The following SEPTIN9 variants were observed in gnomAD, a reference collection of about 807,000 sequenced individuals.
SEPTIN9 encodes septin-9.
SEPTIN9 carries 13 observed loss-of-function variants against 56.6 expected under a neutral mutation model. The ratio of observed to expected loss-of-function variants is 0.23; its 90% CI spans 0.15 to 0.37. The LOEUF (loss-of-function observed/expected upper bound fraction) is 0.37, where lower values mean the gene tolerates loss of function less well. Ranked by LOEUF, SEPTIN9 falls within the 10% of genes least tolerant of loss-of-function variation. The pLI is 1.00. For missense variants in SEPTIN9, 650 were observed against 823.1 expected (o/e 0.79, Z 2.57); for synonymous variants, 332 against 334.1 (o/e 0.99, Z 0.07).
At chr17:77,431,830 CAA>C (rs61461406) in intron 3 of SEPTIN9, among the ~76,000 whole-genome samples, 16 of 55,250 alleles carry the variant, frequency 2.9e-4, no homozygotes, top group African/African-American at 3.5e-4. Context: ...AATGCTGTCT[CAA>C]AAAAAAAAAA....
At chr17:77,486,521 TGCGCGCAC>T (rs139526675) in intron 4 of SEPTIN9, among the ~76,000 whole-genome samples, 3,141 of 119,816 alleles carry the variant, frequency 0.026, 91 homozygotes, top group African/African-American at 0.094. Flanking sequence ...TGTGTGTGTG[TGCGCGCAC>T]GCGCGCGCGT....
chr17:77,464,601 A>AT (rs1022730489), intron 3 of SEPTIN9, among the ~76,000 whole-genome samples: 2,363 of 139,896 alleles, frequency 0.017, 22 homozygotes, highest in Middle Eastern at 0.031. Flanking sequence ...TGACACAGAA[A>AT]TTTTTTTTTT....
At chr17:77,383,999 A>G (rs567741930) in intron 2 of SEPTIN9, among the ~76,000 whole-genome samples, 1 of 152,234 alleles carries the variant, frequency 6.6e-6, no homozygotes, top group Non-Finnish European at 1.5e-5. Flanking sequence ...CTTCTACTAC[A>G]TGCCAGGCAG....
chr17:77,284,146 A>ATCCT (rs1449583384), intron 1 of SEPTIN9, among the ~76,000 whole-genome samples: 1 of 152,204 alleles, frequency 6.6e-6, no homozygotes, highest in Non-Finnish European at 1.5e-5. Context: ...GCTACTCAGG[A>ATCCT]GGCTGAGACA....
rs1240662391 is a variant in SEPTIN9, at chr17:77,434,587, T to G, written c.721+31884T>G. Among the ~76,000 whole-genome samples the G allele has an allele frequency of 6.6e-6, 1 of 152,132 alleles. No individual in the cohort carries two copies. Among genetic ancestry groups the G allele is most frequent in the Non-Finnish European group, 1.5e-5 (1 of 68,000 alleles). On this transcript the variant is annotated intron_variant, in intron 3 of 11. Transcript: ENST00000427177. This position sits in a 1 kb window ranked among gnomAD's most constrained non-coding sequence, Gnocchi z 5.0. ...CCTCTGTGGGCTGCAGGTAGTCCCC[T>G]GTGGTTGAAGGTGCCCTGGCAGGAC...
intron 2 of SEPTIN9, among the ~76,000 whole-genome samples, chr17:77,401,809 G>A (rs577277479): frequency 1.7e-4 from 26 of 152,160 alleles, no homozygotes; most frequent in African/African-American, 5.1e-4. Context: ...TGTGGTTTGC[G>A]CCGTGGCCAT....
chr17:77,370,736 C>T (rs1598265956), intron 2 of SEPTIN9, among the ~76,000 whole-genome samples: 1 of 152,298 alleles, frequency 6.6e-6, no homozygotes, highest in East Asian at 1.9e-4. Flanking sequence ...GCCCAGTGCC[C>T]CTTCTGGGAC....
intron 3 of SEPTIN9, among the ~76,000 whole-genome samples, chr17:77,465,518 G>A (rs969465873): frequency 4.6e-5 from 7 of 151,908 alleles, no homozygotes; most frequent in African/African-American, 1.7e-4. Flanking sequence ...CCGGCACCGG[G>A]CACTGTGAGC....
At chr17:77,406,199 G>A (rs1045177718) in intron 3 of SEPTIN9, among the ~76,000 whole-genome samples, 2 of 152,272 alleles carry the variant, frequency 1.3e-5, no homozygotes, top group Non-Finnish European at 2.9e-5. Flanking sequence ...GCCCCTCCAC[G>A]GTTGATTCAC....
chr17:77,287,787 A>T, intron 1 of SEPTIN9: 1 of 741,794 alleles, frequency 1.3e-6, no homozygotes. Flanking sequence ...TTCCCAGCCT[A>T]ATCTGACCTG....
intron 3 of SEPTIN9, among the ~76,000 whole-genome samples, chr17:77,444,203 C>T (rs189887435): frequency 7.0e-4 from 106 of 152,160 alleles, no homozygotes; most frequent in Admixed American, 2.0e-3. Flanking sequence ...CAGGGGTCCT[C>T]GAATGCAAGG....
Position 77,342,337 on chromosome 17 carries a change from C to T in SEPTIN9, c.76+35140C>T, listed in dbSNP as rs114896109. On this transcript the variant is annotated intron_variant, in intron 2 of 11. Coordinates refer to ENST00000427177, the MANE Select transcript of SEPTIN9 (RefSeq NM_001113491.2). ...CCTGTGTTCCTTGTCACTGTAATGT[C>T]GGTAGGATCCGTAAGGAAAACACTT... Among the ~76,000 whole-genome samples the T allele has an allele frequency of 4.5e-3, 682 of 152,244 alleles. 7 individuals are homozygous for T. Among genetic ancestry groups the T allele is most frequent in the African/African-American group, 0.015 (640 of 41,544 alleles).
intron 3 of SEPTIN9, among the ~76,000 whole-genome samples, chr17:77,422,130 T>C (rs1178499296): frequency 6.6e-6 from 1 of 152,224 alleles, no homozygotes; most frequent in Non-Finnish European, 1.5e-5. Flanking sequence ...AGTGCTGGGA[T>C]TCCAGGCATG....
Position 77,436,098 on chromosome 17 carries a change from C to G in SEPTIN9, c.721+33395C>G, listed in dbSNP as rs527944391. ...ACGGCTGGGTGGGAGTTGAGTTGAG[C>G]TCGGCGGCTGCCTTTCCACCCTGCG... On this transcript the variant is annotated intron_variant, in intron 3 of 11. Transcript: ENST00000427177. The surrounding 1 kb of genome is among the most constrained non-coding windows in gnomAD (Gnocchi z 4.4). 6.6e-6 allele frequency among the ~76,000 whole-genome samples: 1 copy of G among 152,312 alleles called. No homozygotes were observed. Among genetic ancestry groups the G allele is most frequent in the South Asian group, 2.1e-4 (1 of 4,830 alleles).
chr17:77,373,416 C>T, intron 2 of SEPTIN9: 15 of 1,296,862 alleles, frequency 1.2e-5, no homozygotes, highest in Non-Finnish European at 1.5e-5. Flanking sequence ...CGCGGCGCCC[C>T]AGCCAGCGCG....
chr17:77,480,239 G>T (rs988309082), intron 3 of SEPTIN9, among the ~76,000 whole-genome samples: 1 of 152,222 alleles, frequency 6.6e-6, no homozygotes, highest in African/African-American at 2.4e-5. Flanking sequence ...CCTGTGCCCT[G>T]TGGAGGCTGA....
Position 77,317,508 on chromosome 17 carries a change from T to G in SEPTIN9, c.76+10311T>G, listed in dbSNP as rs965467270. 6.6e-6 allele frequency among the ~76,000 whole-genome samples: 1 copy of G among 152,204 alleles called. No individual in the cohort carries two copies. The highest frequency in any genetic ancestry group is 2.1e-4 in the South Asian group (1 of 4,838). ...GAACGGCACATGTGAGGGATCTAGG[T>G]TGCGTGCTTCTTATGAGAATCTGAT... On this transcript the variant is annotated intron_variant, in intron 2 of 11. Transcript: ENST00000427177. The surrounding 1 kb of genome is among the most constrained non-coding windows in gnomAD (Gnocchi z 4.2).
chr17:77,466,558 A>G (rs1912840230), intron 3 of SEPTIN9: 1 of 985,480 alleles, frequency 1.0e-6, no homozygotes, highest in Non-Finnish European at 1.2e-6. Flanking sequence ...TTGGAGTCCC[A>G]CAGTAGGTCA....
At chr17:77,478,247 A>G (rs771522031) in intron 3 of SEPTIN9, among the ~76,000 whole-genome samples, 6 of 152,184 alleles carry the variant, frequency 3.9e-5, no homozygotes, top group Non-Finnish European at 5.9e-5. Context: ...TTTAAATAAA[A>G]ATAGAAATTC....
Sources: gnomAD v4.1 joint callset for allele counts (sites outside exome capture counted in the v4.1 genomes callset) on GRCh38, gnomAD v4.1.1 for gene constraint, Gnocchi (gnomAD v3.1) non-coding constraint, MANE v1.5 for transcripts, NCBI Gene and HGNC (gene_info 2026-07-23, HGNC 2026-07-21) for gene names.